The following ACTR3C variants were observed in gnomAD, a reference collection of about 807,000 sequenced individuals.
ACTR3C encodes the protein actin related protein 3C, also known as actin-related protein 3C.
Under a neutral mutation model 26.3 loss-of-function variants are expected in ACTR3C, and 18 were observed. The observed-to-expected ratio is 0.68, with a 90% CI of 0.47 to 1.01. The LOEUF (loss-of-function observed/expected upper bound fraction) is 1.01. Ranked by LOEUF, ACTR3C falls within the 50% of genes least tolerant of loss-of-function variation. ACTR3C has a pLI of 0.00. For missense variants in ACTR3C, 184 were observed against 250.7 expected (o/e 0.73, Z 1.80); for synonymous variants, 55 against 94.5 (o/e 0.58, Z 2.42).
the ACTR3C span, among the ~76,000 whole-genome samples, chr7:149,893,259 T>G: frequency 6.6e-6 from 1 of 152,212 alleles, no homozygotes; most frequent in Non-Finnish European, 1.5e-5. Context: ...TACACGTGTT[T>G]GATGCTTCCA....
chr7:150,280,266 A>C (rs1238937682), intron 6 of ACTR3C, among the ~76,000 whole-genome samples: 1 of 152,108 alleles, frequency 6.6e-6, no homozygotes, highest in Non-Finnish European at 1.5e-5. Flanking sequence ...CGGTGGGCCC[A>C]GGCTGATTTT....
chr7:150,204,133 G>A, the ACTR3C span, among the ~76,000 whole-genome samples: 1 of 149,248 alleles, frequency 6.7e-6, no homozygotes, highest in East Asian at 2.0e-4. Context: ...ACAAGCCAAA[G>A]GAGAAGGTGT....
At position 150,288,013 on chromosome 7, in the gene ACTR3C, T is replaced by C. The variant is rs575527412; in HGVS notation, c.297+1437A>G. ...ACGTTACACACTCCCTCAGGCCTGT[T>C]CGCGACCACAGAAGGCCATGGCAGT... is the stretch of plus-strand genomic sequence containing the variant. On this transcript the variant is annotated intron_variant, in intron 4 of 7. Coordinates refer to ENST00000683684, the MANE Select transcript of ACTR3C (RefSeq NM_001164458.2). Among the ~76,000 whole-genome samples the C allele has an allele frequency of 5.1e-4, 75 of 146,756 alleles. 2 individuals are homozygous for C. The highest frequency in any genetic ancestry group is 1.9e-3 in the African/African-American group (73 of 38,086).
At chr7:149,961,555 G>A in the ACTR3C span, among the ~76,000 whole-genome samples, 1 of 151,504 alleles carries the variant, frequency 6.6e-6, no homozygotes, top group African/African-American at 2.4e-5. Flanking sequence ...GAGCTCACAG[G>A]AAGTATGGGC....
At chr7:150,082,653 T>C in the ACTR3C span, among the ~76,000 whole-genome samples, 2 of 152,160 alleles carry the variant, frequency 1.3e-5, no homozygotes, top group Non-Finnish European at 2.9e-5. Flanking sequence ...ACAGATCAGG[T>C]GTTCCTCATT....
At chr7:150,249,630 T>C (rs555307914) in intron 6 of ACTR3C, among the ~76,000 whole-genome samples, 2 of 152,158 alleles carry the variant, frequency 1.3e-5, no homozygotes, top group Admixed American at 1.3e-4. Flanking sequence ...ATTTTCTGTG[T>C]TTTTAGTAGA....
At chr7:150,078,461 G>C in the ACTR3C span, among the ~76,000 whole-genome samples, 3 of 149,218 alleles carry the variant, frequency 2.0e-5, no homozygotes, top group Non-Finnish European at 4.4e-5. Flanking sequence ...AATGAAATTA[G>C]CATCTTTGTA....
the ACTR3C span, among the ~76,000 whole-genome samples, chr7:150,039,369 T>A: frequency 4.3e-5 from 4 of 94,016 alleles, no homozygotes; most frequent in African/African-American, 6.4e-5. Context: ...CTCCCCCTCC[T>A]GCGATGGGGG....
At chr7:150,114,116 C>T in the ACTR3C span, among the ~76,000 whole-genome samples, 2 of 152,116 alleles carry the variant, frequency 1.3e-5, no homozygotes, top group Admixed American at 1.3e-4. Context: ...ATGCCTGTAA[C>T]AAGAAGCACT....
chr7:150,221,101 A>G, the ACTR3C span, among the ~76,000 whole-genome samples: 3 of 152,254 alleles, frequency 2.0e-5, no homozygotes, highest in African/African-American at 7.2e-5. Context: ...CACGAGCTAC[A>G]GCGGAGGGAT....
At chr7:150,047,887 G>A in the ACTR3C span, 1 of 1,428,082 alleles carries the variant, frequency 7.0e-7, no homozygotes, top group South Asian at 1.2e-5. Flanking sequence ...TGTCTTTAGG[G>A]CTTTTTAATA....
the ACTR3C span, among the ~76,000 whole-genome samples, chr7:150,185,248 G>C: frequency 0.043 from 6,494 of 150,216 alleles, 94 homozygotes; most frequent in East Asian, 0.081. Context: ...GTTCCTTGTA[G>C]ATTGAATAGT....
chr7:150,141,293 T>G, the ACTR3C span, among the ~76,000 whole-genome samples: 13 of 152,318 alleles, frequency 8.5e-5, no homozygotes, highest in African/African-American at 3.1e-4. Flanking sequence ...ATCCTTCTCC[T>G]AAGAATGCAA....
the ACTR3C span, among the ~76,000 whole-genome samples, chr7:150,073,081 G>A: frequency 1.3e-5 from 2 of 152,164 alleles, no homozygotes; most frequent in Non-Finnish European, 2.9e-5. Flanking sequence ...CCCCTGAAGC[G>A]ATGGTGTTAG....
chr7:149,991,099 A>AG, the ACTR3C span, among the ~76,000 whole-genome samples: 1 of 152,338 alleles, frequency 6.6e-6, no homozygotes, highest in African/African-American at 2.4e-5. Context: ...TCACGGCAGA[A>AG]GGCAAAGGAG....
the ACTR3C span, among the ~76,000 whole-genome samples, chr7:150,008,771 C>T: frequency 6.5e-4 from 98 of 150,978 alleles, no homozygotes; most frequent in African/African-American, 2.2e-3. Context: ...CTTGACTTCC[C>T]CAGGCAGGAA....
At chr7:150,024,745 T>G in the ACTR3C span, among the ~76,000 whole-genome samples, 118 of 144,208 alleles carry the variant, frequency 8.2e-4, no homozygotes, top group African/African-American at 3.0e-3. Context: ...CCTGCTCTCT[T>G]CCAGTGCTTA....
the ACTR3C span, among the ~76,000 whole-genome samples, chr7:150,122,190 C>T: frequency 3.5e-3 from 529 of 152,258 alleles, 1 homozygote; most frequent in Non-Finnish European, 4.2e-3. Flanking sequence ...TTGACTAAAA[C>T]GCCAAAAGCA....
At chr7:150,291,830 C>G (rs2429332) in intron 3 of ACTR3C, among the ~76,000 whole-genome samples, 27,607 of 151,180 alleles carry the variant, frequency 0.18, 3,466 homozygotes, top group African/African-American at 0.34. Flanking sequence ...CAAGATCCAC[C>G]GAAAGGAGTG....
Sources: allele counts gnomAD v4.1 joint callset (sites outside exome capture counted in the v4.1 genomes callset), GRCh38; gene constraint gnomAD v4.1.1; transcripts MANE v1.5; gene names NCBI Gene and HGNC (gene_info 2026-07-23, HGNC 2026-07-21).